Variants in ATP8A1 observed in about 807,000 individuals in gnomAD.
ATP8A1 encodes the protein phospholipid-transporting ATPase IA.
A neutral mutation model predicts 177.7 loss-of-function variants in ATP8A1; 90 were observed. That is an observed-to-expected ratio of 0.51 (90% CI 0.43 to 0.60). The LOEUF is 0.60. ATP8A1 is among the 20% of genes least tolerant of loss of function. The pLI is 0.00. For missense variants in ATP8A1, 1,072 were observed against 1,392.8 expected (o/e 0.77, Z 3.67); for synonymous variants, 493 against 485.9 (o/e 1.01, Z -0.19).
intron 25 of ATP8A1, among the ~76,000 whole-genome samples, chr4:42,469,633 C>G (rs1044792324): frequency 6.6e-6 from 1 of 152,126 alleles, no homozygotes; most frequent in African/African-American, 2.4e-5. Flanking sequence ...AAGAGGCCTC[C>G]CTTGATAAGT....
At chr4:42,614,039 T>C (rs1427126519) in intron 5 of ATP8A1, among the ~76,000 whole-genome samples, 1 of 152,258 alleles carries the variant, frequency 6.6e-6, no homozygotes, top group Non-Finnish European at 1.5e-5. Context: ...ATATTTATTA[T>C]AGAAGCTTTT....
rs545952933 is a variant in ATP8A1 at position 42,478,434 on chromosome 4, T to C, written c.2324+7062A>G. On this transcript the variant is annotated intron_variant, in intron 25 of 36. Coordinates refer to ENST00000381668, the MANE Select transcript of ATP8A1 (RefSeq NM_006095.2). The stretch of plus-strand genomic sequence containing the variant: ...TTTCTTCAATTCAATACACATATGA[T>C]AGATATTTTTCACAGAATCACATAT... Among the ~76,000 whole-genome samples the C allele has an allele frequency of 2.6e-5, 4 of 152,276 alleles. No individual in the cohort carries two copies. In the South Asian group the frequency reaches 8.3e-4, roughly 32 times the overall value.
intron 8 of ATP8A1, among the ~76,000 whole-genome samples, chr4:42,587,660 G>A (rs1424457267): frequency 6.7e-6 from 1 of 149,770 alleles, no homozygotes; most frequent in Admixed American, 6.7e-5. Flanking sequence ...AGGCTGGAGT[G>A]CAGTGGCGCA....
chr4:42,559,394 T>C (rs1324585499), intron 15 of ATP8A1, among the ~76,000 whole-genome samples: 2 of 152,160 alleles, frequency 1.3e-5, no homozygotes, highest in Non-Finnish European at 1.5e-5. Flanking sequence ...ATAAATGGCT[T>C]TATATATACA....
At chr4:42,529,721 G>A (rs970325953) in intron 20 of ATP8A1, among the ~76,000 whole-genome samples, 3 of 152,108 alleles carry the variant, frequency 2.0e-5, no homozygotes, top group Non-Finnish European at 4.4e-5. Context: ...GGCACTACCC[G>A]AAAGTAGACA....
intron 5 of ATP8A1, among the ~76,000 whole-genome samples, chr4:42,601,179 G>A (rs1048052770): frequency 6.6e-6 from 1 of 151,794 alleles, no homozygotes; most frequent in Non-Finnish European, 1.5e-5. Flanking sequence ...GGGACTACAG[G>A]CATGCACCAC....
chr4:42,548,890 ATT>A (rs1219556690), intron 19 of ATP8A1, 121 bp downstream of exon 19: 1 of 736,610 alleles, frequency 1.4e-6, no homozygotes. Context: ...TTGATTTAAT[ATT>A]TTGTCTAAAC....
intron 25 of ATP8A1, among the ~76,000 whole-genome samples, chr4:42,479,408 A>T: frequency 6.6e-6 from 1 of 152,232 alleles, no homozygotes; most frequent in East Asian, 1.9e-4. Context: ...ATCACTGGAA[A>T]CCATCATGGG....
At chr4:42,578,497 TG>T in intron 11 of ATP8A1, 110 bp from the exon 12 acceptor site, 1 of 1,214,858 alleles carries the variant, frequency 8.2e-7, no homozygotes, top group Non-Finnish European at 1.2e-6. Flanking sequence ...TTTGATAATT[TG>T]GGAGGAACAC....
intron 6 of ATP8A1, among the ~76,000 whole-genome samples, chr4:42,599,841 A>G (rs568906162): frequency 1.3e-5 from 2 of 152,354 alleles, no homozygotes; most frequent in South Asian, 4.1e-4. Context: ...TTTGTGGATG[A>G]CTAGATTTTA....
chr4:42,518,324 T>C (rs1230049630), intron 22 of ATP8A1, among the ~76,000 whole-genome samples: 1 of 152,224 alleles, frequency 6.6e-6, no homozygotes, highest in African/African-American at 2.4e-5. Context: ...TCAATTCAAA[T>C]ATGTTCAGAA....
rs1369116218 is a variant in ATP8A1, at chr4:42,445,780, T to C, written c.2958+803A>G. ...AAATTAATTTATGTGATCCAAACAT[T>C]CTAAAAGAAGAGATATAGGCCAGGT... is the stretch of plus-strand genomic sequence containing the variant. On this transcript the variant is annotated intron_variant, in intron 31 of 36. Coordinates refer to ENST00000381668, the MANE Select transcript of ATP8A1 (RefSeq NM_006095.2). 2.6e-5 allele frequency among the ~76,000 whole-genome samples: 4 copies of C among 152,228 alleles called. No homozygotes were observed. In the East Asian group the frequency reaches 7.7e-4, roughly 29 times the overall value.
At chr4:42,560,476 A>G (rs992035552) in intron 15 of ATP8A1, among the ~76,000 whole-genome samples, 7 of 152,238 alleles carry the variant, frequency 4.6e-5, no homozygotes, top group African/African-American at 4.8e-5. Context: ...TACATATTAC[A>G]CTCATGCACA....
At chr4:42,654,517 G>GC (rs1283283111) in intron 1 of ATP8A1, among the ~76,000 whole-genome samples, 1 of 152,102 alleles carries the variant, frequency 6.6e-6, no homozygotes, top group Non-Finnish European at 1.5e-5. Context: ...ATCTGTGTCT[G>GC]CCCATCCATT....
Position 42,473,145 on chromosome 4 carries a change from A to C in ATP8A1, c.2325-8069T>G, listed in dbSNP as rs573215928. On this transcript the variant is annotated intron_variant, in intron 25 of 36. Transcript: ENST00000381668. ...AGTGTAGAGTTGGGAATGTGCCTCCAGGTGTCATTGATTCAAGTATTTACT... is the reference window on the plus strand; with the variant it reads ...AGTGTAGAGTTGGGAATGTGCCTCCCGGTGTCATTGATTCAAGTATTTACT... Among the ~76,000 whole-genome samples the C allele has an allele frequency of 5.3e-5, 8 of 152,264 alleles. No homozygotes were observed. The South Asian group carries it at 1.7e-3, about 32-fold the overall frequency.
chr4:42,498,971 T>C (rs953139333), intron 24 of ATP8A1, among the ~76,000 whole-genome samples: 25 of 152,216 alleles, frequency 1.6e-4, no homozygotes, highest in African/African-American at 6.0e-4. Flanking sequence ...AGTATCTACT[T>C]ATAACATATA....
At chr4:42,550,103 C>A (rs973311663) in intron 18 of ATP8A1, among the ~76,000 whole-genome samples, 1 of 152,042 alleles carries the variant, frequency 6.6e-6, no homozygotes, top group East Asian at 1.9e-4. Context: ...CTGAGGCAAC[C>A]ACTGTTCTGA....
At chr4:42,450,305 G>A (rs2153177452) in intron 30 of ATP8A1, among the ~76,000 whole-genome samples, 1 of 152,278 alleles carries the variant, frequency 6.6e-6, no homozygotes, top group South Asian at 2.1e-4. Flanking sequence ...TAGTTGCCAG[G>A]GTCTGGTAGG....
chr4:42,616,571 G>T (rs1736938096), intron 4 of ATP8A1, among the ~76,000 whole-genome samples: 1 of 152,170 alleles, frequency 6.6e-6, no homozygotes, highest in Non-Finnish European at 1.5e-5. Context: ...ATATGCTGAT[G>T]TCGGCCAATG....
Sources: gnomAD v4.1 joint callset for allele counts (sites outside exome capture counted in the v4.1 genomes callset) on GRCh38, gnomAD v4.1.1 for gene constraint, MANE v1.5 for transcripts, NCBI Gene and HGNC (gene_info 2026-07-23, HGNC 2026-07-21) for gene names.